OXR1: variants seen among roughly 807,000 people sequenced by gnomAD.
OXR1 encodes oxidation resistance 1, also known as oxidation resistance protein 1.
A neutral mutation model predicts 104.6 loss-of-function variants in OXR1; 41 were observed. The ratio of observed to expected loss-of-function variants is 0.39; its 90% CI spans 0.31 to 0.51. The LOEUF is 0.51. Ranked by LOEUF, OXR1 falls within the 20% of genes least tolerant of loss-of-function variation. OXR1 has a pLI of 0.77. For synonymous variants in OXR1, 348 were observed against 348.4 expected (o/e 1.00, Z 0.01); for missense variants, 955 against 1,031.9 (o/e 0.93, Z 1.02).
chr8:106,579,974 A>C (rs1260487425), intron 3 of OXR1, among the ~76,000 whole-genome samples: 3 of 152,116 alleles, frequency 2.0e-5, no homozygotes, highest in Non-Finnish European at 4.4e-5. Flanking sequence ...TAAAATCACT[A>C]TTCATGATTT....
intron 2 of OXR1, among the ~76,000 whole-genome samples, chr8:106,414,419 C>G (rs917637144): frequency 1.3e-5 from 2 of 152,052 alleles, no homozygotes; most frequent in African/African-American, 4.8e-5. Context: ...CTGTCTCAGG[C>G]ATTGTGACAC....
chr8:106,293,997 C>T (rs1220789449), intron 1 of OXR1, among the ~76,000 whole-genome samples: 16 of 109,542 alleles, frequency 1.5e-4, no homozygotes, highest in Admixed American at 3.5e-4. Context: ...GGTAAGTAGG[C>T]AAATAGAATA....
At chr8:106,325,980 A>T (rs2130198987) in intron 1 of OXR1, among the ~76,000 whole-genome samples, 1 of 152,358 alleles carries the variant, frequency 6.6e-6, no homozygotes, top group Admixed American at 6.5e-5. Flanking sequence ...AACAGTAAAT[A>T]ACAGACATAT....
At chr8:106,430,639 A>G (rs571913877) in intron 2 of OXR1, among the ~76,000 whole-genome samples, 3 of 152,324 alleles carry the variant, frequency 2.0e-5, no homozygotes, top group South Asian at 2.1e-4. Flanking sequence ...ACTTCAGTTT[A>G]TCTTCCTATC....
intron 3 of OXR1, among the ~76,000 whole-genome samples, chr8:106,645,644 T>A (rs535945964): frequency 6.6e-6 from 1 of 152,264 alleles, no homozygotes; most frequent in Admixed American, 6.5e-5. Flanking sequence ...AGGTTTGAAT[T>A]TCTCTTCCTA....
At chr8:106,300,846 A>G (rs1813207196) in intron 1 of OXR1, among the ~76,000 whole-genome samples, 1 of 152,170 alleles carries the variant, frequency 6.6e-6, no homozygotes, top group African/African-American at 2.4e-5. Context: ...TTTACTTTCC[A>G]CTAGGGAGAA....
chr8:106,431,317 GT>G (rs1819350695), intron 2 of OXR1, among the ~76,000 whole-genome samples: 1 of 151,936 alleles, frequency 6.6e-6, no homozygotes, highest in South Asian at 2.1e-4. Context: ...ATGATAAACT[GT>G]TGTTTTAAAC....
intron 3 of OXR1, among the ~76,000 whole-genome samples, chr8:106,541,908 C>T (rs16874836): frequency 0.037 from 5,602 of 152,208 alleles, 341 homozygotes; most frequent in African/African-American, 0.13. Context: ...TGTATTTGGT[C>T]CTGGCTACCT....
At chr8:106,587,527 C>G (rs1490197571) in intron 3 of OXR1, among the ~76,000 whole-genome samples, 1 of 152,104 alleles carries the variant, frequency 6.6e-6, no homozygotes, top group Non-Finnish European at 1.5e-5. Flanking sequence ...ACAAAGACAT[C>G]TTAGTTATGG....
At chr8:106,325,187 G>T (rs1304993708) in intron 1 of OXR1, among the ~76,000 whole-genome samples, 1 of 152,152 alleles carries the variant, frequency 6.6e-6, no homozygotes, top group Non-Finnish European at 1.5e-5. Context: ...ACAATGAATT[G>T]CTTGTCCTAA....
intron 11 of OXR1, among the ~76,000 whole-genome samples, chr8:106,730,556 A>G (rs1194342452): frequency 2.0e-5 from 3 of 152,108 alleles, no homozygotes; most frequent in African/African-American, 4.8e-5. Context: ...TTTTGGCTTG[A>G]CAGCTCATTT....
chr8:106,626,667 T>C (rs978111660), intron 3 of OXR1, among the ~76,000 whole-genome samples: 5 of 151,270 alleles, frequency 3.3e-5, no homozygotes, highest in Admixed American at 6.6e-5. Context: ...AAAAAAATTA[T>C]TTCACTTTTC....
At chr8:106,428,090 T>C (rs977329862) in intron 2 of OXR1, among the ~76,000 whole-genome samples, 2 of 152,216 alleles carry the variant, frequency 1.3e-5, no homozygotes, top group Non-Finnish European at 2.9e-5. Flanking sequence ...AGCATAGTTA[T>C]AAGCAATGGC....
At chr8:106,523,956 T>G (rs1813453025) in intron 3 of OXR1, among the ~76,000 whole-genome samples, 1 of 151,980 alleles carries the variant, frequency 6.6e-6, no homozygotes, top group Admixed American at 6.5e-5. Flanking sequence ...TTGTATTTTT[T>G]TAGTAGAGAC....
At chr8:106,619,973 T>C (rs2130839521) in intron 3 of OXR1, among the ~76,000 whole-genome samples, 1 of 152,230 alleles carries the variant, frequency 6.6e-6, no homozygotes, top group Non-Finnish European at 1.5e-5. Flanking sequence ...TTATATCCTC[T>C]TGGCACTTTT....
chr8:106,537,979 A>G (rs1814676070), intron 3 of OXR1, among the ~76,000 whole-genome samples: 1 of 152,214 alleles, frequency 6.6e-6, no homozygotes, highest in African/African-American at 2.4e-5. Context: ...CAAAGTTTAT[A>G]CAAGTCATGA....
At chr8:106,360,627 A>G (rs1221161822) in intron 2 of OXR1, among the ~76,000 whole-genome samples, 2 of 152,072 alleles carry the variant, frequency 1.3e-5, no homozygotes, top group African/African-American at 4.8e-5. Flanking sequence ...GGTGCTAAGA[A>G]TCTCAGTTTG....
intron 1 of OXR1, among the ~76,000 whole-genome samples, chr8:106,297,592 A>G (rs1263968077): frequency 6.6e-6 from 1 of 152,322 alleles, no homozygotes; most frequent in East Asian, 1.9e-4. Context: ...ATTGCTAAAC[A>G]TAGAAAAGGT....
intron 2 of OXR1, among the ~76,000 whole-genome samples, chr8:106,376,895 T>C (rs1167632716): frequency 6.6e-6 from 1 of 152,226 alleles, no homozygotes; most frequent in Non-Finnish European, 1.5e-5. Flanking sequence ...CATTATGCTT[T>C]TGGACTCTTC....
Sources: gnomAD v4.1 joint callset for allele counts (sites outside exome capture counted in the v4.1 genomes callset) on GRCh38, gnomAD v4.1.1 for gene constraint, MANE v1.5 for transcripts, NCBI Gene and HGNC (gene_info 2026-07-23, HGNC 2026-07-21) for gene names.